The following CSGALNACT2 variants were observed in gnomAD, a reference collection of about 807,000 sequenced individuals.
The protein encoded by CSGALNACT2 is beta 4 GalNAcT-2.
A neutral mutation model predicts 55.3 loss-of-function variants in CSGALNACT2; 35 were observed. The observed-to-expected ratio is 0.63, with a 90% CI of 0.48 to 0.84. The LOEUF (loss-of-function observed/expected upper bound fraction) is 0.84. Among genes scored for constraint, CSGALNACT2 ranks in the 40% least tolerant of loss-of-function variants. The pLI, the probability that CSGALNACT2 is intolerant of heterozygous loss-of-function variation, is 0.00. For missense variants in CSGALNACT2, 544 were observed against 657.5 expected, an observed-to-expected ratio of 0.83 and a Z score of 1.89; for synonymous variants, 196 against 224.9, an observed-to-expected ratio of 0.87 and a Z score of 1.15.
chr10:43,160,719 G>T, intron 4 of CSGALNACT2, 124 bp downstream of exon 4: 1 of 636,992 alleles, frequency 1.6e-6, no homozygotes. Flanking sequence ...GCATGTGGGC[G>T]GTGGTGGTGA....
rs1441192228 is a variant in CSGALNACT2, at chr10:43,158,684, A to C, written c.662-31A>C. The stretch of plus-strand genomic sequence containing the variant: ...ATTGAATTTGTAAACTTTGACATGG[A>C]GACGTCTTTGTTCCTAACTCTTTCC... On this transcript the variant is annotated intron_variant, in intron 2 of 7. Transcript: ENST00000374466. 3.2e-6 allele frequency: 4 copies of C among 1,257,146 alleles called. No individual in the cohort carries two copies. In the African/African-American group the frequency reaches 5.9e-5, roughly 19 times the overall value. 77.9% of individuals were successfully genotyped at this position (1,257,146 alleles called of 1,614,324 possible). A position where few individuals can be genotyped will look rare whatever the true frequency, so the allele number is the denominator to read the frequency against.
In CSGALNACT2 at chr10:43,184,470, C is replaced by G. The variant is rs1839654544; in HGVS notation, c.*928C>G. The G allele has an allele frequency of 6.6e-6, 1 of 152,068 alleles. No homozygotes were observed. Among genetic ancestry groups the G allele is most frequent in the Non-Finnish European group, 1.5e-5 (1 of 68,022 alleles). The allele number at this position is 152,068 out of a possible 1,614,324, so 9.4% of individuals were successfully genotyped here. ...GCATGGATCCATATGTATTTACTAT[C>G]CTTTTTCTAATATATTAATATATGC... On this transcript the variant is annotated 3_prime_UTR_variant, in exon 8 of 8. Coordinates refer to ENST00000374466, the MANE Select transcript of CSGALNACT2 (RefSeq NM_018590.5).
intron 4 of CSGALNACT2, chr10:43,163,278 T>C: frequency 1.1e-6 from 1 of 923,516 alleles, no homozygotes; most frequent in Non-Finnish European, 1.3e-6. Flanking sequence ...ATTGAACTCC[T>C]ACTCTATCAG....
chr10:43,166,768 T>G (rs890672959), intron 5 of CSGALNACT2, among the ~76,000 whole-genome samples: 4 of 152,216 alleles, frequency 2.6e-5, no homozygotes, highest in Non-Finnish European at 4.4e-5. Flanking sequence ...GGAATAAACG[T>G]GAAGCACCCT....
intron 1 of CSGALNACT2, among the ~76,000 whole-genome samples, chr10:43,152,428 A>G (rs1025398882): frequency 4.6e-5 from 7 of 152,236 alleles, no homozygotes; most frequent in Non-Finnish European, 8.8e-5. Context: ...TGCAACTTTT[A>G]CATTCTGAAG....
intron 1 of CSGALNACT2, among the ~76,000 whole-genome samples, chr10:43,153,241 A>G (rs1408692242): frequency 2.0e-5 from 3 of 150,596 alleles, no homozygotes; most frequent in Middle Eastern, 6.9e-3. Context: ...AGGCTGAGGC[A>G]GGAGAATAGC....
rs151328156 is a variant in CSGALNACT2, at chr10:43,155,215, C to T, written c.66C>T (p.Leu22=). 2 of 1,614,026 alleles carry T rather than the reference C, an allele frequency of 1.2e-6. No homozygotes were observed. The highest frequency in any genetic ancestry group is 1.7e-6 in the Non-Finnish European group (2 of 1,180,022). ...THWLLLGLAL[L]CSLVLFMYLL... Reference sequence around the variant, plus strand: ...GGTTGCTGTTGGGCCTTGCTTTGCTCTGCAGTTTGGTATTATTTATGTACC... The same window carrying T: ...GGTTGCTGTTGGGCCTTGCTTTGCTTTGCAGTTTGGTATTATTTATGTACC... Residue 22 remains leucine (L), a synonymous_variant, in exon 2 of 8, where the codon CTC becomes CTT. Transcript: ENST00000374466.
At chr10:43,174,597 A>G (rs1006276351) in intron 6 of CSGALNACT2, among the ~76,000 whole-genome samples, 1 of 152,176 alleles carries the variant, frequency 6.6e-6, no homozygotes, top group East Asian at 1.9e-4. Flanking sequence ...TGCCCATTCA[A>G]TCACTTGCTG....
intron 6 of CSGALNACT2, among the ~76,000 whole-genome samples, chr10:43,170,296 T>G (rs1839357792): frequency 6.6e-6 from 1 of 152,138 alleles, no homozygotes. Flanking sequence ...CTAATACTAT[T>G]CTCCAATCAA....
At chr10:43,146,886 A>G (rs753491630) in intron 1 of CSGALNACT2, among the ~76,000 whole-genome samples, 9 of 146,482 alleles carry the variant, frequency 6.1e-5, no homozygotes, top group Non-Finnish European at 1.4e-4. Context: ...TAGCCATTCT[A>G]TTTTTAGCCC....
intron 1 of CSGALNACT2, among the ~76,000 whole-genome samples, chr10:43,141,624 C>T (rs1260551600): frequency 2.9e-5 from 2 of 68,930 alleles, no homozygotes; most frequent in African/African-American, 1.2e-4. Flanking sequence ...GAAACTGTCT[C>T]AAAAAAAAAA....
intron 1 of CSGALNACT2, among the ~76,000 whole-genome samples, chr10:43,153,784 C>T (rs1003677232): frequency 5.3e-5 from 8 of 152,130 alleles, no homozygotes; most frequent in East Asian, 1.9e-4. Context: ...TGGAAGAGTT[C>T]GCACAACTGG....
intron 5 of CSGALNACT2, 60 bp downstream of exon 5, chr10:43,164,104 T>A: frequency 7.2e-7 from 1 of 1,382,980 alleles, no homozygotes; most frequent in South Asian, 1.5e-5. Flanking sequence ...CAGCATGTCC[T>A]ATAGTTTGAA....
intron 7 of CSGALNACT2, among the ~76,000 whole-genome samples, chr10:43,179,436 T>G (rs964687806): frequency 7.2e-5 from 11 of 152,260 alleles, no homozygotes; most frequent in Admixed American, 7.2e-4. Flanking sequence ...GCTGGACTAT[T>G]TTAACAAATT....
intron 6 of CSGALNACT2, among the ~76,000 whole-genome samples, chr10:43,168,442 C>A (rs756094343): frequency 6.6e-6 from 1 of 151,888 alleles, no homozygotes; most frequent in African/African-American, 2.4e-5. Context: ...CAGAGTGAGA[C>A]TCCATCTCAA....
At chr10:43,143,379 T>C (rs1378028392) in intron 1 of CSGALNACT2, among the ~76,000 whole-genome samples, 1 of 152,214 alleles carries the variant, frequency 6.6e-6, no homozygotes, top group African/African-American at 2.4e-5. Context: ...ACATCCTATG[T>C]ATGTGACTTT....
chr10:43,182,874 CAAAAAAAAAAACA>C (rs1034473435), intron 7 of CSGALNACT2, among the ~76,000 whole-genome samples: 5 of 64,834 alleles, frequency 7.7e-5, no homozygotes, highest in South Asian at 4.5e-4. Context: ...GACCCTGTCT[CAAAAAAAAAAACA>C]AAAAAAAAAA....
At chr10:43,175,577 C>T (rs1451375615) in intron 6 of CSGALNACT2, among the ~76,000 whole-genome samples, 1 of 152,128 alleles carries the variant, frequency 6.6e-6, no homozygotes, top group Non-Finnish European at 1.5e-5. Flanking sequence ...AGGTAATTAC[C>T]AGAACAAAAC....
At chr10:43,163,032 G>C in intron 4 of CSGALNACT2, 1 of 985,046 alleles carries the variant, frequency 1.0e-6, no homozygotes, top group Non-Finnish European at 1.2e-6. Context: ...CCCATTTTAG[G>C]GTCCTTTTCT....
Sources: gnomAD v4.1 joint callset for allele counts (sites outside exome capture counted in the v4.1 genomes callset) on GRCh38, gnomAD v4.1.1 for gene constraint, MANE v1.5 for transcripts, NCBI Gene and HGNC (gene_info 2026-07-23, HGNC 2026-07-21) for gene names.